Variants in FAM81B observed in about 807,000 individuals in gnomAD.
FAM81B encodes protein FAM81B.
FAM81B carries 60 observed loss-of-function variants against 58.7 expected under a neutral mutation model. The ratio of observed to expected loss-of-function variants is 1.02; its 90% CI spans 0.83 to 1.27. The LOEUF (loss-of-function observed/expected upper bound fraction) is 1.27, where lower values mean the gene tolerates loss of function less well. Ranked by LOEUF, FAM81B falls within the 50% of genes most tolerant of loss-of-function variation. FAM81B has a pLI of 0.00. For missense variants in FAM81B, 491 were observed against 522.0 expected, an observed-to-expected ratio of 0.94 and a Z score of 0.58; for synonymous variants, 189 against 179.6, an observed-to-expected ratio of 1.05 and a Z score of -0.42.
intron 4 of FAM81B, among the ~76,000 whole-genome samples, chr5:95,418,712 T>C (rs934839767): frequency 2.6e-5 from 4 of 152,316 alleles, no homozygotes; most frequent in Admixed American, 6.5e-5. Context: ...CCCCCTTGGA[T>C]AAGAGGAGAC....
At chr5:95,431,307 A>G (rs1261133381) in intron 6 of FAM81B, among the ~76,000 whole-genome samples, 1 of 152,036 alleles carries the variant, frequency 6.6e-6, no homozygotes, top group Non-Finnish European at 1.5e-5. Context: ...GTTTACACTT[A>G]AATCCTTCGT....
chr5:95,416,020 T>A (rs1356811509), intron 4 of FAM81B, among the ~76,000 whole-genome samples: 2 of 152,120 alleles, frequency 1.3e-5, no homozygotes, highest in Non-Finnish European at 2.9e-5. Flanking sequence ...GACAAAAATC[T>A]CAAAATACCT....
At chr5:95,424,222 T>C (rs1272149521) in intron 5 of FAM81B, 4 of 1,289,642 alleles carry the variant, frequency 3.1e-6, no homozygotes, top group Admixed American at 4.6e-5. Flanking sequence ...ATAATAGTTA[T>C]TGTTAGAATG....
intron 3 of FAM81B, among the ~76,000 whole-genome samples, chr5:95,409,909 G>A (rs1165627036): frequency 6.6e-6 from 1 of 152,196 alleles, no homozygotes; most frequent in Non-Finnish European, 1.5e-5. Flanking sequence ...GAGGTAAAAA[G>A]GAGGAAAATT....
chr5:95,447,798 C>T (rs1745636898), intron 8 of FAM81B, among the ~76,000 whole-genome samples: 1 of 152,188 alleles, frequency 6.6e-6, no homozygotes, highest in Non-Finnish European at 1.5e-5. Context: ...CTGGAGAGTG[C>T]TTAAATCCTA....
rs745416732 is a variant in FAM81B, at chr5:95,446,548, A to AT, written c.894-8dup. ...TTAACTTATTTAAATGAAACAAAAC[A>AT]TTTTTTCCCATAGATTTCATTCACT... On this transcript the variant is annotated splice_polypyrimidine_tract_variant and intron_variant, in intron 7 of 9. Transcript: ENST00000283357. The AT allele has an allele frequency of 2.6e-4, 410 of 1,558,498 alleles. 1 individual carries two copies. The highest frequency in any genetic ancestry group is 3.1e-4 in the Non-Finnish European group (359 of 1,157,604).
intron 3 of FAM81B, among the ~76,000 whole-genome samples, chr5:95,408,075 TGAGA>T (rs10567707): frequency 0.44 from 57,465 of 130,130 alleles, 12,106 homozygotes; most frequent in South Asian, 0.64. Context: ...TCCCCCAAAA[TGAGA>T]GAGAGAGAGA....
At chr5:95,419,579 C>T (rs1375949879) in intron 4 of FAM81B, among the ~76,000 whole-genome samples, 1 of 152,040 alleles carries the variant, frequency 6.6e-6, no homozygotes, top group Non-Finnish European at 1.5e-5. Flanking sequence ...AACCATGGTT[C>T]TTGGGACCAC....
At chr5:95,426,916 G>C (rs1387568805) in intron 5 of FAM81B, among the ~76,000 whole-genome samples, 1 of 152,152 alleles carries the variant, frequency 6.6e-6, no homozygotes, top group Non-Finnish European at 1.5e-5. Context: ...AGGCGTGGTG[G>C]CGCATGCCTG....
chr5:95,439,104 A>G (rs191820037), intron 7 of FAM81B, among the ~76,000 whole-genome samples: 5 of 150,868 alleles, frequency 3.3e-5, no homozygotes, highest in Admixed American at 2.0e-4. Flanking sequence ...TCAACCATTT[A>G]TCTTATTGCT....
chr5:95,413,307 G>A (rs185330668), intron 3 of FAM81B, among the ~76,000 whole-genome samples: 50 of 152,258 alleles, frequency 3.3e-4, no homozygotes, highest in Non-Finnish European at 5.3e-4. Context: ...GCTACACCAG[G>A]TTCTAGGTAT....
chr5:95,418,487 G>C (rs1762593924), intron 4 of FAM81B, among the ~76,000 whole-genome samples: 1 of 152,168 alleles, frequency 6.6e-6, no homozygotes, highest in Non-Finnish European at 1.5e-5. Context: ...ATAAATTCAT[G>C]CTAGTTTTGC....
intron 4 of FAM81B, among the ~76,000 whole-genome samples, chr5:95,415,845 T>A (rs1249470089): frequency 1.3e-5 from 2 of 152,210 alleles, no homozygotes; most frequent in African/African-American, 4.8e-5. Context: ...GACTTGTGCG[T>A]TCAATACATA....
In FAM81B at chr5:95,448,254, T is replaced by C; in HGVS notation, c.1030-15T>C. On this transcript the variant is annotated splice_polypyrimidine_tract_variant and intron_variant, in intron 8 of 9. Transcript: ENST00000283357. ...TGTACATTTCTGAAGTTTTATCCCA[T>C]AATCTCTTTTACAGGAAAAGTCTGA... The C allele has an allele frequency of 6.3e-7, 1 of 1,588,776 alleles. No homozygotes were observed. Among genetic ancestry groups the C allele is most frequent in the Non-Finnish European group, 8.5e-7 (1 of 1,172,920 alleles).
At chr5:95,421,454 G>A (rs1033019268) in intron 5 of FAM81B, among the ~76,000 whole-genome samples, 28 of 152,190 alleles carry the variant, frequency 1.8e-4, no homozygotes, top group African/African-American at 6.5e-4. Context: ...GGCCTACCTG[G>A]GAGAATGGCA....
intron 3 of FAM81B, among the ~76,000 whole-genome samples, chr5:95,397,833 C>T (rs1213205153): frequency 6.6e-6 from 1 of 152,184 alleles, no homozygotes; most frequent in Non-Finnish European, 1.5e-5. Flanking sequence ...TCTCTCTCTT[C>T]GCATCTCTCA....
intron 5 of FAM81B, among the ~76,000 whole-genome samples, chr5:95,428,147 G>C (rs1762897396): frequency 6.6e-6 from 1 of 152,150 alleles, no homozygotes; most frequent in African/African-American, 2.4e-5. Context: ...ACCTTTTCTT[G>C]CCAACGGAGA....
intron 6 of FAM81B, among the ~76,000 whole-genome samples, chr5:95,432,893 T>C (rs1029518639): frequency 4.6e-5 from 7 of 152,190 alleles, no homozygotes; most frequent in Non-Finnish European, 1.0e-4. Flanking sequence ...TCACCTTTTA[T>C]CTTTTCTTTT....
At chr5:95,403,836 GCT>G (rs1762175038) in intron 3 of FAM81B, among the ~76,000 whole-genome samples, 1 of 152,216 alleles carries the variant, frequency 6.6e-6, no homozygotes, top group East Asian at 1.9e-4. Flanking sequence ...TGCTTCACAT[GCT>G]CTTACCATAA....
Sources: gnomAD v4.1 joint callset for allele counts (sites outside exome capture counted in the v4.1 genomes callset) on GRCh38, gnomAD v4.1.1 for gene constraint, MANE v1.5 for transcripts, NCBI Gene and HGNC (gene_info 2026-07-23, HGNC 2026-07-21) for gene names.